Variants in ABCC4 observed in about 807,000 individuals in gnomAD.
ABCC4 encodes ATP-binding cassette sub-family C member 4.
A neutral mutation model predicts 168.5 loss-of-function variants in ABCC4; 102 were observed. The observed-to-expected ratio is 0.61, with a 90% CI of 0.52 to 0.71. ABCC4 has a LOEUF of 0.71. ABCC4 is among the 30% of genes least tolerant of loss of function. The pLI is 0.00. For synonymous variants in ABCC4, 617 were observed against 590.7 expected (o/e 1.04, Z -0.65); for missense variants, 1,402 against 1,605.8 (o/e 0.87, Z 2.17).
At chr13:95,299,406 A>C (rs1466398784) in intron 1 of ABCC4, among the ~76,000 whole-genome samples, 2 of 152,048 alleles carry the variant, frequency 1.3e-5, no homozygotes, top group East Asian at 3.9e-4. Flanking sequence ...AGGCCGCCAA[A>C]CAACCAAGAG....
At chr13:95,210,957 CTG>C (rs1401455390) in intron 4 of ABCC4, among the ~76,000 whole-genome samples, 176 bp from the exon 5 acceptor site, 2 of 151,696 alleles carry the variant, frequency 1.3e-5, no homozygotes, top group Admixed American at 1.3e-4. Context: ...GTGGTGGCAG[CTG>C]TGTCAGGACA....
chr13:95,098,097 C>T (rs187496784), intron 20 of ABCC4, among the ~76,000 whole-genome samples: 1 of 147,660 alleles, frequency 6.8e-6, no homozygotes, highest in Non-Finnish European at 1.5e-5. Context: ...GATTGCACCA[C>T]TGCACTCCAG....
chr13:95,049,708 T>C (rs935710815), intron 27 of ABCC4, among the ~76,000 whole-genome samples: 14 of 152,050 alleles, frequency 9.2e-5, no homozygotes, highest in African/African-American at 3.1e-4. Context: ...ACCACATCCA[T>C]AGGACTGTCT....
At chr13:95,032,649 C>A (rs2139218051) in intron 30 of ABCC4, among the ~76,000 whole-genome samples, 1 of 142,098 alleles carries the variant, frequency 7.0e-6, no homozygotes, top group South Asian at 2.2e-4. Context: ...GATATGGGAA[C>A]ATATTTTCTT....
chr13:95,097,371 T>C (rs1173011614), intron 20 of ABCC4, among the ~76,000 whole-genome samples: 1 of 152,130 alleles, frequency 6.6e-6, no homozygotes, highest in African/African-American at 2.4e-5. Context: ...ACAGAGAATT[T>C]CAGCTGAGCA....
At chr13:95,218,566 C>T (rs893095600) in intron 4 of ABCC4, among the ~76,000 whole-genome samples, 46 of 152,064 alleles carry the variant, frequency 3.0e-4, no homozygotes, top group Admixed American at 4.6e-4. Flanking sequence ...GAAAGTTCTC[C>T]GTAGGCCAGG....
chr13:95,220,585 C>T (rs945220633), intron 4 of ABCC4, among the ~76,000 whole-genome samples: 4 of 152,124 alleles, frequency 2.6e-5, no homozygotes, highest in Non-Finnish European at 5.9e-5. Flanking sequence ...GACTTATTCA[C>T]TAACATACAT....
In ABCC4 at chr13:95,183,638, C is replaced by T. The variant is rs535406233; in HGVS notation, c.1545+3063G>A. On this transcript the variant is annotated intron_variant, in intron 11 of 30. Coordinates refer to ENST00000645237, the MANE Select transcript of ABCC4 (RefSeq NM_005845.5). ...CAAAGTGGACACCGAGCTGGTCGTG[C>T]GCAGTGGCTCATGCAAATAATCCCA... Among the ~76,000 whole-genome samples the T allele has an allele frequency of 1.1e-4, 17 of 152,296 alleles. No individual in the cohort carries two copies. In the South Asian group the frequency reaches 1.5e-3, roughly 13 times the overall value.
At chr13:95,252,618 T>C (rs1404332017) in intron 1 of ABCC4, among the ~76,000 whole-genome samples, 3 of 152,160 alleles carry the variant, frequency 2.0e-5, no homozygotes, top group Non-Finnish European at 4.4e-5. Context: ...GAAGTTGCAG[T>C]GAGCTGAGAT....
At chr13:95,277,697 A>C (rs997913168) in intron 1 of ABCC4, among the ~76,000 whole-genome samples, 8 of 152,112 alleles carry the variant, frequency 5.3e-5, no homozygotes, top group African/African-American at 1.2e-4. Flanking sequence ...CAGTGACAAG[A>C]GCAGGGTCAA....
At chr13:95,264,240 A>G (rs1019966088) in intron 1 of ABCC4, among the ~76,000 whole-genome samples, 1 of 128,390 alleles carries the variant, frequency 7.8e-6, no homozygotes, top group African/African-American at 2.8e-5. Flanking sequence ...ATAGAATCAG[A>G]AAAAAAAAAA....
chr13:95,236,442 A>C (rs1594353620), intron 3 of ABCC4, among the ~76,000 whole-genome samples: 1 of 152,332 alleles, frequency 6.6e-6, no homozygotes, highest in East Asian at 1.9e-4. Flanking sequence ...AAGTGAGAGA[A>C]GAACAATCAG....
At chr13:95,205,782 G>C (rs905234237) in intron 8 of ABCC4, among the ~76,000 whole-genome samples, 2 of 152,228 alleles carry the variant, frequency 1.3e-5, no homozygotes, top group African/African-American at 2.4e-5. Flanking sequence ...AAGGGGATTA[G>C]TGTCCTTACA....
At chr13:95,234,984 T>A in intron 3 of ABCC4, 150 bp from the exon 4 acceptor site, 1 of 630,652 alleles carries the variant, frequency 1.6e-6, no homozygotes, top group Non-Finnish European at 2.7e-6. Context: ...TCGAACTCCC[T>A]AACTCAAGCA....
At position 95,202,976 on chromosome 13, in the gene ABCC4, T is replaced by C. The variant is rs113033979; in HGVS notation, c.1161+3556A>G. 1.9e-3 allele frequency among the ~76,000 whole-genome samples: 288 copies of C among 152,168 alleles called. 3 individuals are homozygous for C. Among genetic ancestry groups the C allele is most frequent in the African/African-American group, 6.1e-3 (252 of 41,546 alleles). On this transcript the variant is annotated intron_variant, in intron 8 of 30. Transcript: ENST00000645237. ...CGCCTGGCCGCACTTCTGAGACAGA[T>C]TGACGGCCTGGGCTAAAGCCCCGGA...
intron 4 of ABCC4, among the ~76,000 whole-genome samples, chr13:95,232,723 A>G (rs1312929420): frequency 6.6e-6 from 1 of 152,140 alleles, no homozygotes; most frequent in Non-Finnish European, 1.5e-5. Flanking sequence ...GCCCAGGACA[A>G]AGAGATATCC....
intron 19 of ABCC4, among the ~76,000 whole-genome samples, chr13:95,128,307 CA>C (rs2035851920): frequency 6.6e-6 from 1 of 152,198 alleles, no homozygotes; most frequent in Non-Finnish European, 1.5e-5. Context: ...CCTAGTTAAA[CA>C]ATGATTCATT....
chr13:95,142,385 A>C (rs1265437653), intron 19 of ABCC4, among the ~76,000 whole-genome samples: 2 of 152,212 alleles, frequency 1.3e-5, no homozygotes, highest in African/African-American at 2.4e-5. Flanking sequence ...AGCTATGGGG[A>C]TGCAAAGGCA....
chr13:95,269,356 G>A (rs1457046761), intron 1 of ABCC4: 7 of 454,536 alleles, frequency 1.5e-5, no homozygotes, highest in East Asian at 7.0e-5. Context: ...AACACAGGAG[G>A]TGGAGGCTGC....
Sources: allele counts gnomAD v4.1 joint callset (sites outside exome capture counted in the v4.1 genomes callset), GRCh38; gene constraint gnomAD v4.1.1; transcripts MANE v1.5; gene names NCBI Gene and HGNC (gene_info 2026-07-23, HGNC 2026-07-21).